Variants in ANXA10 observed in about 807,000 individuals in gnomAD.
ANXA10 encodes the protein annexin A10, also known as annexin 14.
In ANXA10, 49 loss-of-function variants were observed where a neutral mutation model predicts 53.5. That is an observed-to-expected ratio of 0.92 (90% confidence interval 0.73 to 1.16). ANXA10 has a LOEUF of 1.16. Ranked by LOEUF, ANXA10 falls within the 50% of genes most tolerant of loss-of-function variation. The probability of loss-of-function intolerance (pLI) is 0.00; values close to 1 mark genes in which losing one functional copy is unlikely to be tolerated. For synonymous variants in ANXA10, 131 were observed against 128.9 expected (o/e 1.02, Z -0.11); for missense variants, 393 against 394.4 (o/e 1.00, Z 0.03).
intron 6 of ANXA10, among the ~76,000 whole-genome samples, chr4:168,170,098 G>C (rs187443209): frequency 1.3e-5 from 2 of 152,050 alleles, no homozygotes; most frequent in Non-Finnish European, 2.9e-5. Context: ...TAATGATAGG[G>C]TGTGTACATG....
chr4:168,139,671 A>C, intron 3 of ANXA10, 91 bp downstream of exon 3: 338 of 830,386 alleles, frequency 4.1e-4, no homozygotes, highest in Non-Finnish European at 6.0e-4. Context: ...TTTCAATCTC[A>C]CAGATTGCAA....
intron 5 of ANXA10, 84 bp from the exon 6 acceptor site, chr4:168,165,163 C>A: frequency 1.2e-6 from 1 of 849,416 alleles, no homozygotes; most frequent in Non-Finnish European, 1.8e-6. Flanking sequence ...GTACTCACAA[C>A]TGGGAAATAA....
At chr4:168,169,531 C>T (rs1422635636) in intron 6 of ANXA10, among the ~76,000 whole-genome samples, 4 of 152,168 alleles carry the variant, frequency 2.6e-5, no homozygotes, top group African/African-American at 7.2e-5. Context: ...ATCCCAAGAA[C>T]ATTCCATAAT....
At chr4:168,116,260 T>C (rs1730892463) in intron 1 of ANXA10, among the ~76,000 whole-genome samples, 1 of 152,206 alleles carries the variant, frequency 6.6e-6, no homozygotes, top group South Asian at 2.1e-4. Flanking sequence ...ATCTTACTTT[T>C]TGAATCTAAG....
chr4:168,177,693 T>C, intron 6 of ANXA10, 47 bp from the exon 7 acceptor site: 1 of 1,585,496 alleles, frequency 6.3e-7, no homozygotes, highest in East Asian at 2.2e-5. Flanking sequence ...CCAATATGAG[T>C]TGCTGACTAA....
intron 11 of ANXA10, among the ~76,000 whole-genome samples, chr4:168,186,382 G>A (rs1732370421): frequency 6.6e-6 from 1 of 152,164 alleles, no homozygotes; most frequent in Non-Finnish European, 1.5e-5. Context: ...TGTGTCTCCT[G>A]AAAATGTATC....
At chr4:168,179,109 A>AC in intron 8 of ANXA10, 108 bp from the exon 9 acceptor site, 1 of 687,874 alleles carries the variant, frequency 1.5e-6, no homozygotes, top group Non-Finnish European at 2.5e-6. Context: ...TAACAGTAGT[A>AC]CTTTTAATTA....
intron 11 of ANXA10, among the ~76,000 whole-genome samples, chr4:168,186,850 C>T (rs192595007): frequency 1.3e-5 from 2 of 152,152 alleles, no homozygotes; most frequent in Admixed American, 1.3e-4. Flanking sequence ...CATTGCTTCT[C>T]AGTTTTTCAC....
intron 3 of ANXA10, among the ~76,000 whole-genome samples, chr4:168,144,936 GA>G (rs1356593568): frequency 6.6e-6 from 1 of 152,166 alleles, no homozygotes; most frequent in African/African-American, 2.4e-5. Context: ...AGCTGTACAG[GA>G]GACAGGAGTT....
chr4:168,128,002 GT>G (rs1189806925), intron 1 of ANXA10, 81 bp from the exon 2 acceptor site: 2 of 1,266,878 alleles, frequency 1.6e-6, no homozygotes, highest in Non-Finnish European at 2.3e-6. Flanking sequence ...GAGATTACAG[GT>G]ATGAGCCACT....
intron 2 of ANXA10, among the ~76,000 whole-genome samples, chr4:168,139,101 C>A (rs532612354): frequency 3.3e-5 from 5 of 152,026 alleles, no homozygotes; most frequent in Admixed American, 2.6e-4. Context: ...TTTTCTCTTG[C>A]CTGATTGCTC....
chr4:168,124,629 A>T (rs1330138298), intron 1 of ANXA10, among the ~76,000 whole-genome samples: 3 of 152,140 alleles, frequency 2.0e-5, no homozygotes, highest in Non-Finnish European at 4.4e-5. Context: ...ACTCTCACTC[A>T]GTTGGATTGC....
At chr4:168,153,318 T>C (rs1731528827) in intron 3 of ANXA10, among the ~76,000 whole-genome samples, 1 of 151,924 alleles carries the variant, frequency 6.6e-6, no homozygotes, top group Non-Finnish European at 1.5e-5. Flanking sequence ...TCTTAGTTTC[T>C]GTTTCTGGTT....
At chr4:168,120,568 T>C (rs1579208526) in intron 1 of ANXA10, among the ~76,000 whole-genome samples, 1 of 152,088 alleles carries the variant, frequency 6.6e-6, no homozygotes, top group East Asian at 1.9e-4. Context: ...GTACAGAATG[T>C]ACATGTAATA....
chr4:168,181,653 G>C, intron 9 of ANXA10, 30 bp from the exon 10 acceptor site: 1 of 1,554,582 alleles, frequency 6.4e-7, no homozygotes, highest in South Asian at 1.1e-5. Flanking sequence ...CACTCTCAAT[G>C]TTTCTTCTTC....
intron 6 of ANXA10, among the ~76,000 whole-genome samples, chr4:168,168,918 G>A (rs1020184383): frequency 6.6e-6 from 1 of 152,150 alleles, no homozygotes; most frequent in Non-Finnish European, 1.5e-5. Flanking sequence ...TTTTGGTTTG[G>A]TTTAGTTTAA....
At position 168,093,374 on chromosome 4, in the gene ANXA10, TA is replaced by T. The variant is rs572843121; in HGVS notation, c.18+657del. Among the ~76,000 whole-genome samples, 468 of 152,252 alleles carry T rather than the reference TA, an allele frequency of 3.1e-3. 6 individuals are homozygous for T. The highest frequency in any genetic ancestry group is 0.011 in the African/African-American group (442 of 41,524). On this transcript the variant is annotated intron_variant, in intron 1 of 11. Coordinates refer to ENST00000359299, the MANE Select transcript of ANXA10 (RefSeq NM_007193.5). ...AATCATTTTAGTCCAACTGCTCTAA[TA>T]GTCATTCACTTTTTAAAAAGCCAAC...
At chr4:168,126,918 C>A (rs1206965697) in intron 1 of ANXA10, among the ~76,000 whole-genome samples, 1 of 152,084 alleles carries the variant, frequency 6.6e-6, no homozygotes. Context: ...CTTAGTCCTT[C>A]AAATTCCTTT....
At chr4:168,128,250 G>A (rs1731104509) in intron 2 of ANXA10, 85 bp downstream of exon 2, 2 of 858,260 alleles carry the variant, frequency 2.3e-6, no homozygotes, top group Non-Finnish European at 3.4e-6. Context: ...GTATAAAATA[G>A]TTGATGTCTT....
Sources: allele counts gnomAD v4.1 joint callset (sites outside exome capture counted in the v4.1 genomes callset), GRCh38; gene constraint gnomAD v4.1.1; transcripts MANE v1.5; gene names NCBI Gene and HGNC (gene_info 2026-07-23, HGNC 2026-07-21).